Variants in ALDH1A2 observed in about 807,000 individuals in gnomAD.
The protein encoded by ALDH1A2 is aldehyde dehydrogenase 1 family member A2.
In ALDH1A2, 27 loss-of-function variants were observed where a neutral mutation model predicts 60.3. That is an observed-to-expected ratio of 0.45 (90% confidence interval 0.33 to 0.62). ALDH1A2 has a LOEUF of 0.62. ALDH1A2 is among the 20% of genes least tolerant of loss of function. The probability of loss-of-function intolerance (pLI) is 0.02; values close to 1 mark genes in which losing one functional copy is unlikely to be tolerated. For missense variants in ALDH1A2, 581 were observed against 643.8 expected, an observed-to-expected ratio of 0.90 and a Z score of 1.06; for synonymous variants, 289 against 232.4, an observed-to-expected ratio of 1.24 and a Z score of -2.21.
chr15:57,974,053 T>C (rs1894158221), intron 7 of ALDH1A2, among the ~76,000 whole-genome samples: 1 of 152,124 alleles, frequency 6.6e-6, no homozygotes, highest in African/African-American at 2.4e-5. Flanking sequence ...ATAAAAAAAT[T>C]CCTGTTGTTA....
intron 12 of ALDH1A2, among the ~76,000 whole-genome samples, chr15:57,960,007 A>G (rs1277800634): frequency 6.6e-6 from 1 of 152,078 alleles, no homozygotes; most frequent in Non-Finnish European, 1.5e-5. Context: ...CTATCCAAGC[A>G]TTCCTCTTCT....
chr15:58,059,100 T>G (rs1896962254), intron 1 of ALDH1A2, among the ~76,000 whole-genome samples: 1 of 152,180 alleles, frequency 6.6e-6, no homozygotes, highest in African/African-American at 2.4e-5. Context: ...TAACTCAATC[T>G]TAAAGGCAGA....
chr15:57,986,811 T>C (rs1366671261), intron 7 of ALDH1A2, among the ~76,000 whole-genome samples: 4 of 152,084 alleles, frequency 2.6e-5, no homozygotes, highest in African/African-American at 9.7e-5. Flanking sequence ...TAGCTGAGAC[T>C]ACAGGTGTGC....
At chr15:57,959,351 A>T (rs1346933124) in intron 12 of ALDH1A2, among the ~76,000 whole-genome samples, 3 of 152,236 alleles carry the variant, frequency 2.0e-5, no homozygotes, top group African/African-American at 7.2e-5. Flanking sequence ...AAATGAAGAC[A>T]TACCTGGAGT....
chr15:58,058,199 T>A (rs1896942880), intron 1 of ALDH1A2: 3 of 772,662 alleles, frequency 3.9e-6, no homozygotes. Context: ...CCCTCCTCCT[T>A]CCCACCTGAA....
At chr15:57,962,731 C>A in intron 9 of ALDH1A2, among the ~76,000 whole-genome samples, 1 of 152,014 alleles carries the variant, frequency 6.6e-6, no homozygotes, top group East Asian at 1.9e-4. Context: ...AGTCTTCCCC[C>A]AAAAAACTGA....
chr15:58,011,083 C>T (rs1001007382), intron 3 of ALDH1A2, among the ~76,000 whole-genome samples: 13 of 152,062 alleles, frequency 8.5e-5, no homozygotes, highest in South Asian at 8.3e-4. Flanking sequence ...AAACAGCTTC[C>T]GTTATATTAA....
chr15:58,033,210 A>G (rs1183751801), intron 1 of ALDH1A2, among the ~76,000 whole-genome samples: 3 of 151,952 alleles, frequency 2.0e-5, no homozygotes, highest in Admixed American at 1.3e-4. Flanking sequence ...ACAACATCTC[A>G]TTTACCCCCA....
chr15:58,060,720 T>C (rs1349782572), intron 1 of ALDH1A2, among the ~76,000 whole-genome samples: 2 of 152,198 alleles, frequency 1.3e-5, no homozygotes, highest in African/African-American at 4.8e-5. Context: ...GCAGACAGTA[T>C]ATAATTGAAT....
chr15:58,057,313 GAT>G (rs34310360), intron 1 of ALDH1A2, among the ~76,000 whole-genome samples: 70,564 of 149,576 alleles, frequency 0.47, 16,851 homozygotes, highest in Non-Finnish European at 0.53. Context: ...ATTACAGAAG[GAT>G]ATATATATAT....
At chr15:57,995,217 C>CAA (rs34068380) in intron 4 of ALDH1A2, 78 bp from the exon 5 acceptor site, 10,563 of 283,134 alleles carry the variant, frequency 0.037, 551 homozygotes, top group South Asian at 0.059. Flanking sequence ...TTGGTGGCTG[C>CAA]AAAAAAAAAA....
At chr15:58,021,479 C>A (rs552164705) in intron 1 of ALDH1A2, among the ~76,000 whole-genome samples, 4 of 152,274 alleles carry the variant, frequency 2.6e-5, no homozygotes, top group East Asian at 1.9e-4. Flanking sequence ...CAGCCAACAT[C>A]CCCACCGTGG....
chr15:58,031,828 T>G (rs1254286439), intron 1 of ALDH1A2, among the ~76,000 whole-genome samples: 1 of 152,160 alleles, frequency 6.6e-6, no homozygotes, highest in Non-Finnish European at 1.5e-5. Flanking sequence ...CCAGTTAGAA[T>G]GGCGATGATT....
chr15:58,058,150 C>T (rs1436827943), intron 1 of ALDH1A2: 13 of 1,326,700 alleles, frequency 9.8e-6, no homozygotes, highest in East Asian at 5.1e-5. Context: ...TAAATTCATA[C>T]AGGCATTTCA....
At chr15:58,053,626 CA>C (rs1265712079) in intron 1 of ALDH1A2, among the ~76,000 whole-genome samples, 1 of 152,134 alleles carries the variant, frequency 6.6e-6, no homozygotes, top group Non-Finnish European at 1.5e-5. Flanking sequence ...TCAGGAGTTC[CA>C]AAAATCACTG....
At position 57,986,499 on chromosome 15, in the gene ALDH1A2, A is replaced by C. The variant is rs73422195; in HGVS notation, c.798+6206T>G. Among the ~76,000 whole-genome samples, 1,026 of 151,552 alleles carry C rather than the reference A, an allele frequency of 6.8e-3. 15 individuals are homozygous for C. The highest frequency in any genetic ancestry group is 0.024 in the African/African-American group (974 of 41,274). On this transcript the variant is annotated intron_variant, in intron 7 of 12. Transcript: ENST00000249750. ...AAAGTTTGACATTCTTTAAAGAAAA[A>C]CAACAAAATCTCTAAGTTCAGCAAT...
chr15:58,051,227 T>C (rs1291135342), intron 1 of ALDH1A2, among the ~76,000 whole-genome samples: 2 of 152,148 alleles, frequency 1.3e-5, no homozygotes, highest in African/African-American at 4.8e-5. Flanking sequence ...CAGTAAGTCA[T>C]TCCTAAAGGA....
At chr15:58,028,565 T>C (rs1250300145) in intron 1 of ALDH1A2, among the ~76,000 whole-genome samples, 1 of 152,136 alleles carries the variant, frequency 6.6e-6, no homozygotes, top group Non-Finnish European at 1.5e-5. Flanking sequence ...TAACCTTAAA[T>C]GTAAATGGGC....
chr15:57,960,378 C>A (rs16977873), intron 12 of ALDH1A2, among the ~76,000 whole-genome samples: 3,940 of 152,192 alleles, frequency 0.026, 121 homozygotes, highest in African/African-American at 0.073. Flanking sequence ...AGATCAGTTT[C>A]TTTCAAAAGG....
Sources: allele counts gnomAD v4.1 joint callset (sites outside exome capture counted in the v4.1 genomes callset), GRCh38; gene constraint gnomAD v4.1.1; transcripts MANE v1.5; gene names NCBI Gene and HGNC (gene_info 2026-07-23, HGNC 2026-07-21).